SOX5: variants seen among roughly 807,000 people sequenced by gnomAD.
SOX5 encodes SRY-box transcription factor 5.
A neutral mutation model predicts 92.0 loss-of-function variants in SOX5; 9 were observed. The ratio of observed to expected loss-of-function variants is 0.10; its 90% confidence interval spans 0.06 to 0.17. The LOEUF is 0.17. Ranked by LOEUF, SOX5 falls within the 10% of genes least tolerant of loss-of-function variation. The probability of loss-of-function intolerance (pLI) is 1.00; values close to 1 mark genes in which losing one functional copy is unlikely to be tolerated. For synonymous variants in SOX5, 344 were observed against 336.3 expected, an observed-to-expected ratio of 1.02 and a Z score of -0.25; for missense variants, 642 against 944.5, an observed-to-expected ratio of 0.68 and a Z score of 4.20.
intron 4 of SOX5, among the ~76,000 whole-genome samples, chr12:24,130,609 C>T (rs959469519): frequency 5.3e-5 from 8 of 152,164 alleles, no homozygotes; most frequent in African/African-American, 1.9e-4. Context: ...AGACCAATGA[C>T]TATAGACATA....
chr12:24,135,274 T>A (rs1950014752), intron 4 of SOX5, among the ~76,000 whole-genome samples: 1 of 152,134 alleles, frequency 6.6e-6, no homozygotes, highest in African/African-American at 2.4e-5. Context: ...TAGCAACCAA[T>A]CCAAAACGGA....
intron 8 of SOX5, among the ~76,000 whole-genome samples, 192 bp downstream of exon 8, chr12:23,640,620 A>G (rs1245944152): frequency 6.6e-6 from 1 of 152,236 alleles, no homozygotes; most frequent in African/African-American, 2.4e-5. Flanking sequence ...AGCTATGTTT[A>G]GTGCAGAAAA....
At chr12:24,285,210 T>G (rs917532393) in intron 2 of SOX5, among the ~76,000 whole-genome samples, 1 of 152,084 alleles carries the variant, frequency 6.6e-6, no homozygotes, top group Non-Finnish European at 1.5e-5. Flanking sequence ...AGATTGCTAA[T>G]TTTATTTTAT....
chr12:23,726,172 A>AGAGAGAGAGAGAGG (rs2093120837), intron 6 of SOX5, among the ~76,000 whole-genome samples: 1 of 98,376 alleles, frequency 1.0e-5, no homozygotes, highest in Non-Finnish European at 2.1e-5. Flanking sequence ...AGAGAGAGAG[A>AGAGAGAGAGAGAGG]GAGGTCAGTT....
intron 1 of SOX5, among the ~76,000 whole-genome samples, chr12:24,426,361 A>G (rs2136996065): frequency 6.6e-6 from 1 of 152,338 alleles, no homozygotes; most frequent in African/African-American, 2.4e-5. Flanking sequence ...CCTAATGTAA[A>G]TGACAAGTTG....
In SOX5 at chr12:23,623,845, A is replaced by G. The variant is rs181094043; in HGVS notation, c.1017+16967T>C. Among the ~76,000 whole-genome samples the G allele has an allele frequency of 9.9e-5, 15 of 152,248 alleles. No homozygotes were observed. In the East Asian group the frequency reaches 2.9e-3, roughly 29 times the overall value. The stretch of plus-strand genomic sequence containing the variant: ...ATTCCACTTTTGGGTATATACCGAA[A>G]ATGGACTGAAAGCAGGATCTAGAAG... On this transcript the variant is annotated intron_variant, in intron 8 of 14. Coordinates refer to ENST00000451604, the MANE Select transcript of SOX5 (RefSeq NM_006940.6).
intron 9 of SOX5, among the ~76,000 whole-genome samples, chr12:23,594,030 G>A (rs896248621): frequency 3.3e-5 from 5 of 152,126 alleles, no homozygotes; most frequent in Non-Finnish European, 7.4e-5. Context: ...AGCAATTATA[G>A]TTTTTTAAGC....
chr12:24,067,958 A>C (rs1456027211), intron 4 of SOX5, among the ~76,000 whole-genome samples: 1 of 152,150 alleles, frequency 6.6e-6, no homozygotes, highest in African/African-American at 2.4e-5. Context: ...CAGCCTGGAC[A>C]ACACGGTGAA....
At chr12:23,834,527 C>A (rs1371908679) in intron 3 of SOX5, among the ~76,000 whole-genome samples, 1 of 151,854 alleles carries the variant, frequency 6.6e-6, no homozygotes, top group African/African-American at 2.4e-5. Flanking sequence ...TAACACCTGG[C>A]AGGAGAGTTG....
At chr12:23,853,887 A>C (rs1320992565) in intron 2 of SOX5, among the ~76,000 whole-genome samples, 5 of 152,104 alleles carry the variant, frequency 3.3e-5, no homozygotes, top group Non-Finnish European at 5.9e-5. Context: ...CAACCATAAG[A>C]GGTGTCTAAA....
rs1284826215 is a variant in SOX5, at chr12:23,533,355, T to TA, written c.*863dup. ...TGAGAACAGCACCTACAGTTTCCATTAAAAAAAAAAGTCAAATCTCACCAG... is the reference window on the plus strand; with the variant it reads ...TGAGAACAGCACCTACAGTTTCCATTAAAAAAAAAAAGTCAAATCTCACCAG... On this transcript the variant is annotated 3_prime_UTR_variant, in exon 15 of 15. Coordinates refer to ENST00000451604, the MANE Select transcript of SOX5 (RefSeq NM_006940.6). The TA allele has an allele frequency of 0.017, 3,807 of 219,014 alleles. 9 individuals are homozygous for TA. The highest frequency in any genetic ancestry group is 0.029 in the South Asian group (559 of 19,192). The allele number at this position is 219,014 out of a possible 1,614,324, so 13.6% of individuals were successfully genotyped here. A position where few individuals can be genotyped will look rare whatever the true frequency, so the allele number is the denominator to read the frequency against.
At chr12:24,245,061 A>G (rs1388930610) in intron 3 of SOX5, among the ~76,000 whole-genome samples, 1 of 152,188 alleles carries the variant, frequency 6.6e-6, no homozygotes, top group Admixed American at 6.5e-5. Context: ...CATCCTGATT[A>G]GGTGAAATCC....
chr12:24,435,708 T>C (rs1939282823), intron 1 of SOX5, among the ~76,000 whole-genome samples: 1 of 152,252 alleles, frequency 6.6e-6, no homozygotes, highest in African/African-American at 2.4e-5. Flanking sequence ...CAAGCCATAA[T>C]ATAGCTCATT....
At chr12:24,510,836 C>T (rs1364140800) in intron 1 of SOX5, among the ~76,000 whole-genome samples, 3 of 152,176 alleles carry the variant, frequency 2.0e-5, no homozygotes, top group Admixed American at 1.3e-4. Context: ...ATCTAGATCA[C>T]GAGCTGGCCC....
intron 6 of SOX5, among the ~76,000 whole-genome samples, chr12:23,691,532 A>T (rs1308717751): frequency 6.6e-6 from 1 of 152,218 alleles, no homozygotes; most frequent in African/African-American, 2.4e-5. Flanking sequence ...GAAGATTTTA[A>T]ACCACTAAGT....
intron 4 of SOX5, among the ~76,000 whole-genome samples, chr12:24,002,555 T>A (rs1002984860): frequency 1.3e-5 from 2 of 152,064 alleles, no homozygotes; most frequent in Non-Finnish European, 2.9e-5. Context: ...AGAATTATTT[T>A]AAAAATTGAA....
intron 3 of SOX5, among the ~76,000 whole-genome samples, chr12:23,825,227 C>T (rs958368331): frequency 1.3e-5 from 2 of 152,158 alleles, no homozygotes; most frequent in Admixed American, 6.5e-5. Flanking sequence ...TATAGGCACC[C>T]AAGGGAATCT....
At chr12:24,367,773 T>C (rs1369858117) in intron 2 of SOX5, among the ~76,000 whole-genome samples, 2 of 152,162 alleles carry the variant, frequency 1.3e-5, no homozygotes, top group Non-Finnish European at 2.9e-5. Flanking sequence ...ATTAAATACA[T>C]CCAAATACAT....
intron 4 of SOX5, among the ~76,000 whole-genome samples, chr12:23,993,300 T>G (rs371233626): frequency 6.6e-6 from 1 of 152,130 alleles, no homozygotes; most frequent in Non-Finnish European, 1.5e-5. Context: ...AAATAAGCCA[T>G]ATTAAAGAAC....
Sources: gnomAD v4.1 joint callset for allele counts (sites outside exome capture counted in the v4.1 genomes callset) on GRCh38, gnomAD v4.1.1 for gene constraint, MANE v1.5 for transcripts, NCBI Gene and HGNC (gene_info 2026-07-23, HGNC 2026-07-21) for gene names.